Variants in ZNF577 observed in about 807,000 individuals in gnomAD.
ZNF577 encodes zinc finger protein 577.
A neutral mutation model predicts 13.9 loss-of-function variants in ZNF577; 14 were observed. The observed-to-expected ratio is 1.00, with a 90% CI of 0.66 to 1.57. The LOEUF (loss-of-function observed/expected upper bound fraction) is 1.57, where lower values mean the gene tolerates loss of function less well. Ranked by LOEUF, ZNF577 falls within the 40% of genes most tolerant of loss-of-function variation. The pLI is 0.00. For synonymous variants in ZNF577, 203 were observed against 202.9 expected (o/e 1.00, Z 0.00); for missense variants, 555 against 579.2 (o/e 0.96, Z 0.43).
intron 5 of ZNF577, among the ~76,000 whole-genome samples, chr19:51,860,064 C>A (rs546366955): frequency 7.2e-5 from 11 of 152,050 alleles, no homozygotes; most frequent in African/African-American, 2.6e-4. Flanking sequence ...TTATGCAAAA[C>A]CATTATAAAA....
chr19:51,881,041 AT>A (rs547936632), intron 1 of ZNF577, among the ~76,000 whole-genome samples, 164 bp from the exon 2 acceptor site: 2 of 152,216 alleles, frequency 1.3e-5, no homozygotes, highest in Non-Finnish European at 2.9e-5. Context: ...AGAGGAAGAT[AT>A]GGAATGTGCA....
At chr19:51,808,258 A>G (rs2084073566) in intron 10 of ZNF577, among the ~76,000 whole-genome samples, 3 of 152,156 alleles carry the variant, frequency 2.0e-5, no homozygotes, top group Non-Finnish European at 4.4e-5. Context: ...AAAGTCTATA[A>G]CCTGTCTTTA....
chr19:51,857,321 G>T (rs1255389106), intron 5 of ZNF577, among the ~76,000 whole-genome samples: 1 of 131,278 alleles, frequency 7.6e-6, no homozygotes, highest in Non-Finnish European at 1.6e-5. Context: ...GGAAGGAAAA[G>T]AAAAGGAGAA....
At position 51,871,128 on chromosome 19, in the gene ZNF577, G is replaced by C. The variant is rs1318809366; in HGVS notation, c.*1404C>G. ...TCTTTTCCCCCCTTTTTTAGAGTCAGAGTCTTATTCTGTCACCCACGCTGT... is the reference window on the plus strand; with the variant it reads ...TCTTTTCCCCCCTTTTTTAGAGTCACAGTCTTATTCTGTCACCCACGCTGT... On this transcript the variant is annotated 3_prime_UTR_variant, in exon 6 of 6. Transcript: ENST00000638348. Among the ~76,000 whole-genome samples the C allele has an allele frequency of 6.6e-6, 1 of 152,016 alleles. No individual in the cohort carries two copies. The highest frequency in any genetic ancestry group is 1.5e-5 in the Non-Finnish European group (1 of 67,984).
At chr19:51,864,794 T>C (rs905253118), downstream of ZNF577, among the ~76,000 whole-genome samples, 4 of 152,140 alleles carry the variant, frequency 2.6e-5, no homozygotes, top group Non-Finnish European at 2.9e-5. Flanking sequence ...GTTAAGTCCA[T>C]GAAATCGAAG....
rs143166170 is a variant in ZNF577 at position 51,872,756 on chromosome 19, T to C, written c.1234A>G (p.Thr412Ala). The change falls in exon 6 of 6, where the codon ACA becomes GCA. Residue 412 changes from threonine (T) to alanine (A), a missense_variant. Transcript: ENST00000638348. ...GAGGAAGGCATTTCTATAGGTACTG[T>C]GTTCACAGTCTTTTGCTCTTGTATG... Reference protein sequence around the residue: ...ELIQEQKTVNTVPIEMPSSGT... With the variant: ...ELIQEQKTVNAVPIEMPSSGT... 1.1e-5 allele frequency: 17 copies of C among 1,614,098 alleles called. No individual in the cohort carries two copies. The highest frequency in any genetic ancestry group is 1.4e-5 in the Non-Finnish European group (17 of 1,180,032).
At position 51,872,847 on chromosome 19, in the gene ZNF577, G is replaced by T; in HGVS notation, c.1143C>A (p.Ala381=). The T allele has an allele frequency of 6.2e-7, 1 of 1,614,184 alleles. No homozygotes were observed. The highest frequency in any genetic ancestry group is 8.5e-7 in the Non-Finnish European group (1 of 1,180,038). ...KHEKTHIRET[A]INSLTVEKPS... The stretch of plus-strand genomic sequence containing the variant: ...GTTTCTCCACCGTCAGTGAATTTAT[G>T]GCTGTCTCTCTTATGTGAGTTTTCT... Residue 381 remains alanine (A), a synonymous_variant, in exon 6 of 6, where the codon GCC becomes GCA. Transcript: ENST00000638348.
At chr19:51,877,460 C>T (rs2084784273) in intron 4 of ZNF577, 83 bp from the exon 5 acceptor site, 9 of 1,129,754 alleles carry the variant, frequency 8.0e-6, no homozygotes, top group Admixed American at 1.9e-5. Flanking sequence ...TCAGGAACCA[C>T]AGCATTTGCA....
At chr19:51,814,006 C>T (rs1293587324) in intron 9 of ZNF577, among the ~76,000 whole-genome samples, 2 of 152,198 alleles carry the variant, frequency 1.3e-5, no homozygotes, top group Non-Finnish European at 2.9e-5. Flanking sequence ...GATGGTGAAG[C>T]AAAGGGCTTA....
At chr19:51,831,347 T>C (rs539887669) in intron 9 of ZNF577, among the ~76,000 whole-genome samples, 3 of 152,150 alleles carry the variant, frequency 2.0e-5, no homozygotes, top group African/African-American at 7.2e-5. Flanking sequence ...AAACTCCTGA[T>C]CTCAAGTGAT....
intron 5 of ZNF577, among the ~76,000 whole-genome samples, chr19:51,857,010 A>G (rs1244090457): frequency 1.3e-5 from 2 of 152,176 alleles, no homozygotes; most frequent in African/African-American, 4.8e-5. Context: ...TGAAGACAAC[A>G]TCTGGGAAAG....
chr19:51,824,792 G>C lies in ZNF577; in HGVS notation c.*600-13118C>G, dbSNP rs1342444928. 6.2e-7 allele frequency: 1 copy of C among 1,611,874 alleles called. No individual in the cohort carries two copies. The highest frequency in any genetic ancestry group is 8.5e-7 in the Non-Finnish European group (1 of 1,178,670). On this transcript the variant is annotated intron_variant and NMD_transcript_variant, in intron 9 of 10. Transcript: ENST00000638827. The surrounding 1 kb of genome is among the most constrained non-coding windows in gnomAD (Gnocchi z 4.7). ...CTTCTGCTTCACCTCCTGAGGAGACGGAGTTACAAGCAATGTGAGGTCGGG... is the reference window on the plus strand; with the variant it reads ...CTTCTGCTTCACCTCCTGAGGAGACCGAGTTACAAGCAATGTGAGGTCGGG...
intron 9 of ZNF577, chr19:51,817,811 C>T (rs2084151235): frequency 6.6e-6 from 1 of 152,074 alleles, no homozygotes; most frequent in African/African-American, 2.4e-5. Flanking sequence ...AGGGACTGGC[C>T]ACAAGAAAAG....
chr19:51,869,549 G>A lies in ZNF577; in HGVS notation c.*2983C>T, dbSNP rs2084620982. Among the ~76,000 whole-genome samples, 1 of 152,082 alleles carries A rather than the reference G, an allele frequency of 6.6e-6. No individual in the cohort carries two copies. The highest frequency in any genetic ancestry group is 6.6e-5 in the Admixed American group (1 of 15,266). The stretch of plus-strand genomic sequence containing the variant: ...TGAGGGAACTCAGAGACCAGTGCCG[G>A]TGCGGGTCCTCCATATGCTGAGCAC... On this transcript the variant is annotated 3_prime_UTR_variant, in exon 6 of 6. Coordinates refer to ENST00000638348, the MANE Select transcript of ZNF577 (RefSeq NM_001370449.1).
intron 9 of ZNF577, among the ~76,000 whole-genome samples, chr19:51,827,600 G>T (rs1462945014): frequency 6.6e-6 from 1 of 152,114 alleles, no homozygotes; most frequent in South Asian, 2.1e-4. Flanking sequence ...TATGAATCAG[G>T]TCAGGTCTAG....
intron 3 of ZNF577, 71 bp from the exon 4 acceptor site, chr19:51,878,586 T>C (rs1169282966): frequency 1.9e-6 from 3 of 1,574,704 alleles, no homozygotes; most frequent in Non-Finnish European, 1.7e-6. Context: ...GACGGGGACA[T>C]GTCTTGATCC....
chr19:51,812,297 AG>A (rs1200108769), intron 9 of ZNF577, among the ~76,000 whole-genome samples: 1 of 152,218 alleles, frequency 6.6e-6, no homozygotes, highest in Non-Finnish European at 1.5e-5. Flanking sequence ...GATTAATAAA[AG>A]GGTGACTATC....
chr19:51,812,198 C>T (rs2084102016), intron 9 of ZNF577, among the ~76,000 whole-genome samples: 1 of 152,098 alleles, frequency 6.6e-6, no homozygotes, highest in Non-Finnish European at 1.5e-5. Flanking sequence ...AAAATGGGAT[C>T]ACTTAGTCCC....
intron 1 of ZNF577, among the ~76,000 whole-genome samples, chr19:51,883,307 T>G (rs2084892707): frequency 6.6e-6 from 1 of 151,742 alleles, no homozygotes; most frequent in South Asian, 2.1e-4. Flanking sequence ...TTTTTTTTTA[T>G]AGAGACAAGG....
Sources: gnomAD v4.1 joint callset for allele counts (sites outside exome capture counted in the v4.1 genomes callset) on GRCh38, gnomAD v4.1.1 for gene constraint, Gnocchi (gnomAD v3.1) non-coding constraint, MANE v1.5 for transcripts, NCBI Gene and HGNC (gene_info 2026-07-23, HGNC 2026-07-21) for gene names.